Variants in GNB1L observed in about 807,000 individuals in gnomAD.
GNB1L encodes G protein subunit beta 1 like.
GNB1L carries 20 observed loss-of-function variants against 29.1 expected under a neutral mutation model. The observed-to-expected ratio is 0.69, with a 90% CI of 0.48 to 1.00. The LOEUF is 1.00. GNB1L is among the 50% of genes least tolerant of loss of function. GNB1L has a pLI of 0.00. For synonymous variants in GNB1L, 193 were observed against 206.5 expected (o/e 0.93, Z 0.56); for missense variants, 421 against 464.9 (o/e 0.91, Z 0.87).
chr22:19,797,500 A>T (rs114085870), intron 7 of GNB1L, among the ~76,000 whole-genome samples: 89 of 152,306 alleles, frequency 5.8e-4, no homozygotes, highest in African/African-American at 1.9e-3. Flanking sequence ...ATGCAGTGAG[A>T]TCATTTAGTG....
chr22:19,802,733 C>T (rs1937389109), intron 6 of GNB1L, among the ~76,000 whole-genome samples: 1 of 152,258 alleles, frequency 6.6e-6, no homozygotes, highest in Admixed American at 6.5e-5. Flanking sequence ...TGAGCTCCAT[C>T]TCCATGAAAA....
Position 19,821,236 on chromosome 22 carries a change from G to A in GNB1L, c.120C>T (p.Leu40=). The A allele has an allele frequency of 6.2e-7, 1 of 1,610,934 alleles. No homozygotes were observed. The highest frequency in any genetic ancestry group is 1.1e-5 in the South Asian group (1 of 90,948). The change falls in exon 3 of 8, where the codon CTC becomes CTT. Residue 40 remains leucine (L), a synonymous_variant. Transcript: ENST00000329517. ...EGAQAQGRPL[L]FSGSQSGLVH... ...GGGCCACAGCTACTCACCCTGAGAA[G>A]AGGAGCGGGCGCCCCTGAGCCTGGG...
chr22:19,845,560 C>T (rs371588353), intron 2 of GNB1L, among the ~76,000 whole-genome samples: 27 of 152,344 alleles, frequency 1.8e-4, no homozygotes, highest in African/African-American at 6.3e-4. Flanking sequence ...TCCACAGGCC[C>T]CAGCCCTGTG....
At chr22:19,845,398 A>T (rs1937939412) in intron 2 of GNB1L, among the ~76,000 whole-genome samples, 1 of 151,638 alleles carries the variant, frequency 6.6e-6, no homozygotes, top group African/African-American at 2.4e-5. Flanking sequence ...ACCCACAAAC[A>T]CTCCCCAGTC....
chr22:19,851,758 G>A lies in GNB1L; in HGVS notation c.-21+2685C>T, dbSNP rs148672676. The A allele has an allele frequency of 1.3e-3, 2,065 of 1,610,618 alleles. 4 individuals carry two copies. The highest frequency in any genetic ancestry group is 3.1e-3 in the South Asian group (282 of 91,000). On this transcript the variant is annotated intron_variant, in intron 2 of 7. Transcript: ENST00000329517. The stretch of plus-strand genomic sequence containing the variant: ...CCTTGAGATCCTGGCAGAAGAGCTC[G>A]TAATCGTCAGGCAGGGGCAGGTCCC...
At chr22:19,834,006 T>C (rs1937724186) in intron 2 of GNB1L, among the ~76,000 whole-genome samples, 1 of 151,844 alleles carries the variant, frequency 6.6e-6, no homozygotes, top group African/African-American at 2.4e-5. Context: ...ACTTGTGGAA[T>C]AATAGTAAAA....
intron 4 of GNB1L, among the ~76,000 whole-genome samples, chr22:19,817,427 G>GC (rs990700607): frequency 6.6e-6 from 1 of 152,088 alleles, no homozygotes; most frequent in African/African-American, 2.4e-5. Flanking sequence ...GTTGCAGTGA[G>GC]CCAAGATCAT....
At chr22:19,805,189 T>C (rs5993834) in intron 6 of GNB1L, among the ~76,000 whole-genome samples, 120,379 of 152,246 alleles carry the variant, frequency 0.79, 48,605 homozygotes, top group African/African-American at 0.95. Flanking sequence ...GAAGCAGCAC[T>C]ACAGGATCAG....
intron 4 of GNB1L, among the ~76,000 whole-genome samples, chr22:19,818,336 A>C (rs903251904): frequency 1.3e-5 from 2 of 152,258 alleles, no homozygotes; most frequent in African/African-American, 4.8e-5. Context: ...GGACACTTAC[A>C]AACAGCAGCT....
chr22:19,840,725 G>C (rs962040339), intron 2 of GNB1L, among the ~76,000 whole-genome samples: 1 of 151,896 alleles, frequency 6.6e-6, no homozygotes, highest in Non-Finnish European at 1.5e-5. Flanking sequence ...CAGGAGAATC[G>C]CTTGAACCCG....
At chr22:19,839,936 G>A (rs530536151) in intron 2 of GNB1L, among the ~76,000 whole-genome samples, 1 of 151,788 alleles carries the variant, frequency 6.6e-6, no homozygotes, top group South Asian at 2.1e-4. Flanking sequence ...GTTGGCACAT[G>A]TCTGTAGTCC....
At chr22:19,813,612 C>G (rs571330240) in intron 4 of GNB1L, among the ~76,000 whole-genome samples, 2 of 152,086 alleles carry the variant, frequency 1.3e-5, no homozygotes, top group African/African-American at 4.8e-5. Flanking sequence ...TGTTTGAACC[C>G]GGGAGGCAGA....
At chr22:19,818,208 G>A (rs1385089140) in intron 4 of GNB1L, among the ~76,000 whole-genome samples, 1 of 152,238 alleles carries the variant, frequency 6.6e-6, no homozygotes, top group Non-Finnish European at 1.5e-5. Context: ...GCCCTCGAAC[G>A]TCAGCTCCCA....
chr22:19,803,786 A>C (rs1937401960), intron 6 of GNB1L, among the ~76,000 whole-genome samples: 1 of 151,980 alleles, frequency 6.6e-6, no homozygotes, highest in South Asian at 2.1e-4. Flanking sequence ...CCAGAAGCTG[A>C]CTCCAAAGAC....
At chr22:19,851,207 G>C in intron 2 of GNB1L, 2 of 1,594,000 alleles carry the variant, frequency 1.3e-6, no homozygotes, top group South Asian at 1.1e-5. Context: ...TGGGGTCTCC[G>C]GGGCCTCCAC....
At chr22:19,792,051 C>CT (rs998642249) in intron 7 of GNB1L, among the ~76,000 whole-genome samples, 1 of 152,198 alleles carries the variant, frequency 6.6e-6, no homozygotes, top group Admixed American at 6.5e-5. Flanking sequence ...AGCAAACACT[C>CT]TTCAGAGCAA....
intron 4 of GNB1L, among the ~76,000 whole-genome samples, chr22:19,817,487 G>C (rs748398483): frequency 1.3e-5 from 2 of 149,458 alleles, no homozygotes; most frequent in Non-Finnish European, 3.0e-5. Context: ...CTCAAAAAAA[G>C]AAAAAAAAAC....
intron 7 of GNB1L, among the ~76,000 whole-genome samples, chr22:19,793,553 C>T (rs985282730): frequency 3.3e-5 from 5 of 151,904 alleles, no homozygotes; most frequent in Admixed American, 2.6e-4. Context: ...ATGGGAAACA[C>T]GAATATATAG....
chr22:19,852,948 A>G (rs1290978396), intron 2 of GNB1L, among the ~76,000 whole-genome samples: 1 of 152,140 alleles, frequency 6.6e-6, no homozygotes, highest in East Asian at 1.9e-4. Context: ...TATAAACTAC[A>G]TTTGTCTGCT....
Sources: gnomAD v4.1 joint callset for allele counts (sites outside exome capture counted in the v4.1 genomes callset) on GRCh38, gnomAD v4.1.1 for gene constraint, MANE v1.5 for transcripts, NCBI Gene and HGNC (gene_info 2026-07-23, HGNC 2026-07-21) for gene names.